The following PDE4D variants were observed in gnomAD, a reference collection of about 807,000 sequenced individuals.
PDE4D encodes the protein 3',5'-cyclic-AMP phosphodiesterase 4D.
PDE4D carries 24 observed loss-of-function variants against 87.4 expected under a neutral mutation model. That is an observed-to-expected ratio of 0.27 (90% confidence interval 0.20 to 0.39). The LOEUF is 0.39. Ranked by LOEUF, PDE4D falls within the 10% of genes least tolerant of loss-of-function variation. The pLI, the probability that PDE4D is intolerant of heterozygous loss-of-function variation, is 1.00. For synonymous variants in PDE4D, 384 were observed against 383.2 expected, an observed-to-expected ratio of 1.00 and a Z score of -0.02; for missense variants, 714 against 1,041.0, an observed-to-expected ratio of 0.69 and a Z score of 4.32.
chr5:60,268,129 C>T (rs909026481), intron 1 of PDE4D, among the ~76,000 whole-genome samples: 6 of 152,142 alleles, frequency 3.9e-5, no homozygotes, highest in Non-Finnish European at 5.9e-5. Flanking sequence ...CAGACAGATG[C>T]CTCATTCCTG....
Position 59,809,001 on chromosome 5 carries a change from G to C in PDE4D, c.455+84167C>G, listed in dbSNP as rs1465718563. Among the ~76,000 whole-genome samples the C allele has an allele frequency of 2.0e-5, 3 of 152,102 alleles. No individual in the cohort carries two copies. In the East Asian group the frequency reaches 5.8e-4, roughly 29 times the overall value. On this transcript the variant is annotated intron_variant, in intron 1 of 14. Transcript: ENST00000340635. Reference sequence around the variant, plus strand: ...ATTCTTTTTTTTGGCAGGGGGGCCGGGGGCACTATTCAAAACATTCCAGTG... The same window carrying C: ...ATTCTTTTTTTTGGCAGGGGGGCCGCGGGCACTATTCAAAACATTCCAGTG...
At chr5:59,802,396 C>CTTTTTT (rs60356253) in intron 1 of PDE4D, among the ~76,000 whole-genome samples, 5 of 110,386 alleles carry the variant, frequency 4.5e-5, no homozygotes, top group Admixed American at 1.9e-4. Context: ...CTTCCATATT[C>CTTTTTT]TTTTTTTTTT....
chr5:59,173,141 T>C (rs1280575528), intron 5 of PDE4D, among the ~76,000 whole-genome samples: 1 of 152,148 alleles, frequency 6.6e-6, no homozygotes, highest in Non-Finnish European at 1.5e-5. Context: ...TTTAATTATT[T>C]CAATTAAAGT....
In PDE4D at chr5:59,199,548, T is replaced by G. The variant is rs900433944; in HGVS notation, c.648-6012A>C. 2.6e-5 allele frequency among the ~76,000 whole-genome samples: 4 copies of G among 152,166 alleles called. 1 individual carries two copies. The highest frequency in any genetic ancestry group is 4.8e-5 in the African/African-American group (2 of 41,438). On this transcript the variant is annotated intron_variant, in intron 2 of 14. Transcript: ENST00000340635. The stretch of plus-strand genomic sequence containing the variant: ...TGAAATATATTTTAAAGTCCAAGAT[T>G]TTGATAATTTTGAAATCTTAGTATC...
At chr5:59,990,428 T>A (rs1381963129) in intron 2 of PDE4D, among the ~76,000 whole-genome samples, 6 of 152,108 alleles carry the variant, frequency 3.9e-5, no homozygotes, top group Admixed American at 1.3e-4. Flanking sequence ...CTGATTTATA[T>A]CTTGAAAAAA....
intron 1 of PDE4D, among the ~76,000 whole-genome samples, chr5:59,442,617 G>C (rs1797804862): frequency 6.6e-6 from 1 of 152,134 alleles, no homozygotes; most frequent in Non-Finnish European, 1.5e-5. Context: ...GAGACTTTCT[G>C]CAAAAATTAA....
rs749536530 is a variant in PDE4D at position 58,975,765 on chromosome 5, C to A, written c.1905G>T (p.Thr635=). ...TKPLQLYRQW[T]DRIMEEFFRQ... ...GGAAGAACTCCTCCATTATCCGGTC[C>A]GTCCACTGGCGGTACAGCTGGAGAG... The change falls in exon 14 of 15, where the codon ACG becomes ACT. Residue 635 remains threonine, a synonymous_variant. Coordinates refer to ENST00000340635, the MANE Select transcript of PDE4D (RefSeq NM_001104631.2). The surrounding 1 kb of genome is among the most constrained non-coding windows in gnomAD (Gnocchi z 4.2). The A allele has an allele frequency of 6.2e-7, 1 of 1,612,876 alleles. No individual in the cohort carries two copies. Among genetic ancestry groups the A allele is most frequent in the East Asian group, 2.2e-5 (1 of 44,834 alleles).
chr5:59,223,657 G>C (rs1753052891), intron 1 of PDE4D, among the ~76,000 whole-genome samples: 1 of 152,038 alleles, frequency 6.6e-6, no homozygotes, highest in Non-Finnish European at 1.5e-5. Flanking sequence ...AAATTTCCCT[G>C]CAGGTCAAAT....
In PDE4D at chr5:58,991,877, G is replaced by C; in HGVS notation, c.1143C>G (p.Ile381Met). ...GTTCAGTTTTAACTCCAAACCTTGGGATACTTGAATTAGTCAGACTAGAGC... is the reference window on the plus strand; with the variant it reads ...GTTCAGTTTTAACTCCAAACCTTGGCATACTTGAATTAGTCAGACTAGAGC... ...MHSSSLTNSS[I>M]PRFGVKTEQE... Residue 381 changes from isoleucine to methionine, a missense_variant, in exon 8 of 15, where the codon ATC becomes ATG. Ile to Met is a conservative substitution (Grantham distance 10). Around this residue, in one of 7 missense-constraint regions of PDE4D, gnomAD observed 141 missense variants for 204.3 expected, o/e 0.69. Transcript: ENST00000340635. The C allele has an allele frequency of 6.4e-7, 1 of 1,569,030 alleles. No homozygotes were observed.
At chr5:59,610,445 C>T (rs746758520) in intron 1 of PDE4D, among the ~76,000 whole-genome samples, 1 of 152,132 alleles carries the variant, frequency 6.6e-6, no homozygotes, top group Admixed American at 6.6e-5. Flanking sequence ...TATATGGTTC[C>T]ACCTTGATCA....
intron 2 of PDE4D, among the ~76,000 whole-genome samples, chr5:60,108,070 T>C (rs1320126777): frequency 6.6e-6 from 1 of 151,962 alleles, no homozygotes; most frequent in African/African-American, 2.4e-5. Flanking sequence ...AGTCAAATTG[T>C]CCCTGTTTGC....
intron 1 of PDE4D, among the ~76,000 whole-genome samples, chr5:59,636,081 T>C (rs1470546001): frequency 1.8e-5 from 1 of 55,800 alleles, no homozygotes; most frequent in African/African-American, 7.6e-5. Flanking sequence ...ATCATTCCTA[T>C]ACACAAATAA....
intron 1 of PDE4D, among the ~76,000 whole-genome samples, chr5:59,749,383 A>G (rs113326906): frequency 0.051 from 7,763 of 151,584 alleles, 701 homozygotes; most frequent in African/African-American, 0.18. Flanking sequence ...CCTGCCTCAG[A>G]CTCCCCAGTA....
intron 1 of PDE4D, among the ~76,000 whole-genome samples, chr5:59,834,959 A>T (rs1428318239): frequency 6.6e-6 from 1 of 151,970 alleles, no homozygotes; most frequent in Non-Finnish European, 1.5e-5. Flanking sequence ...CTCCCTCCCC[A>T]TTAAAACCTG....
chr5:59,637,157 C>T (rs1212750963), intron 1 of PDE4D, among the ~76,000 whole-genome samples: 2 of 152,178 alleles, frequency 1.3e-5, no homozygotes, highest in Non-Finnish European at 2.9e-5. Context: ...CTCATCATCA[C>T]TGGTCATTAG....
intron 2 of PDE4D, among the ~76,000 whole-genome samples, chr5:60,098,088 C>G (rs1775854232): frequency 6.6e-6 from 1 of 151,852 alleles, no homozygotes; most frequent in Non-Finnish European, 1.5e-5. Flanking sequence ...CGGGTCACGG[C>G]CAGACACAGT....
At chr5:60,127,804 T>A (rs1779241718) in intron 2 of PDE4D, 1 of 453,142 alleles carries the variant, frequency 2.2e-6, no homozygotes, top group African/African-American at 2.0e-5. Flanking sequence ...AGGACAAATA[T>A]GGGCTGAATA....
chr5:60,482,649 T>C (rs973270966), intron 1 of PDE4D, among the ~76,000 whole-genome samples: 2 of 152,202 alleles, frequency 1.3e-5, no homozygotes, highest in African/African-American at 2.4e-5. Context: ...TAGGCTTTGA[T>C]TGAGTGAGAA....
intron 1 of PDE4D, among the ~76,000 whole-genome samples, chr5:60,260,676 T>C (rs1389726973): frequency 6.6e-6 from 1 of 152,094 alleles, no homozygotes; most frequent in African/African-American, 2.4e-5. Context: ...AAAATGACTT[T>C]ACATGGATGC....
Sources: allele counts gnomAD v4.1 joint callset (sites outside exome capture counted in the v4.1 genomes callset), GRCh38; gene constraint gnomAD v4.1.1; regional missense constraint gnomAD v4.1.1; non-coding constraint Gnocchi (gnomAD v3.1); transcripts MANE v1.5; gene names NCBI Gene and HGNC (gene_info 2026-07-23, HGNC 2026-07-21).